The following LRP1B variants were observed in gnomAD, a reference collection of about 807,000 sequenced individuals.
The protein encoded by LRP1B is LDL receptor related protein 1B, also known as low-density lipoprotein receptor-related protein 1B.
In LRP1B, 217 loss-of-function variants were observed where a neutral mutation model predicts 556.6. That is an observed-to-expected ratio of 0.39 (90% CI 0.35 to 0.44). LRP1B has a LOEUF of 0.44. LRP1B is among the 20% of genes least tolerant of loss of function. The probability of loss-of-function intolerance (pLI) is 1.00; values close to 1 mark genes in which losing one functional copy is unlikely to be tolerated. For synonymous variants in LRP1B, 2,047 were observed against 1,865.8 expected, an observed-to-expected ratio of 1.10 and a Z score of -2.50; for missense variants, 5,053 against 5,620.8, an observed-to-expected ratio of 0.90 and a Z score of 3.23.
At chr2:141,689,786 T>C (rs1191423522) in intron 2 of LRP1B, among the ~76,000 whole-genome samples, 1 of 151,824 alleles carries the variant, frequency 6.6e-6, no homozygotes, top group East Asian at 1.9e-4. Flanking sequence ...GCCTCATAAA[T>C]ATCTATTTTA....
intron 66 of LRP1B, among the ~76,000 whole-genome samples, chr2:140,406,941 C>T (rs1050426575): frequency 3.9e-5 from 6 of 151,970 alleles, no homozygotes; most frequent in African/African-American, 1.4e-4. Flanking sequence ...GACTTCAAAT[C>T]ATATTGCAAG....
intron 32 of LRP1B, among the ~76,000 whole-genome samples, chr2:140,791,147 G>A (rs564070708): frequency 2.5e-4 from 38 of 151,980 alleles, no homozygotes; most frequent in African/African-American, 8.2e-4. Flanking sequence ...CCAGCTACTC[G>A]GGAGGCTGAG....
intron 32 of LRP1B, among the ~76,000 whole-genome samples, chr2:140,781,408 T>G (rs1252459185): frequency 1.3e-5 from 2 of 152,224 alleles, no homozygotes; most frequent in Non-Finnish European, 2.9e-5. Flanking sequence ...GTTAAAGCCC[T>G]ACAAATCAAA....
intron 71 of LRP1B, among the ~76,000 whole-genome samples, chr2:140,367,229 A>G (rs1230636197): frequency 1.3e-5 from 2 of 151,812 alleles, no homozygotes; most frequent in Non-Finnish European, 2.9e-5. Context: ...AAAACCTGGT[A>G]TGATTAATGG....
At chr2:141,139,831 C>T (rs1025850041) in intron 7 of LRP1B, among the ~76,000 whole-genome samples, 16 of 149,018 alleles carry the variant, frequency 1.1e-4, no homozygotes, top group South Asian at 4.2e-4. Context: ...ATCACATAAC[C>T]TATCCCTTCT....
In LRP1B at chr2:140,531,774, C is replaced by T. The variant is rs766013963; in HGVS notation, c.7762+2247G>A. 6.3e-4 allele frequency among the ~76,000 whole-genome samples: 96 copies of T among 152,102 alleles called. 1 individual carries two copies. The highest frequency in any genetic ancestry group is 5.4e-4 in the Non-Finnish European group (37 of 68,006). ...ACTGACACACATGAATGTCATCAAGCGAGTATCTACTATTGGCCAAATATG... is the reference window on the plus strand; with the variant it reads ...ACTGACACACATGAATGTCATCAAGTGAGTATCTACTATTGGCCAAATATG... On this transcript the variant is annotated intron_variant, in intron 47 of 90. Transcript: ENST00000389484.
chr2:141,382,011 G>T (rs1179665908), intron 3 of LRP1B, among the ~76,000 whole-genome samples: 1 of 151,726 alleles, frequency 6.6e-6, no homozygotes, highest in Non-Finnish European at 1.5e-5. Context: ...TAGTAAACAT[G>T]CTAATCACAC....
At chr2:140,274,145 C>T (rs560494317) in intron 85 of LRP1B, among the ~76,000 whole-genome samples, 2 of 152,064 alleles carry the variant, frequency 1.3e-5, no homozygotes, top group South Asian at 2.1e-4. Flanking sequence ...TGAATGCCAG[C>T]ATTTCTTGCT....
intron 8 of LRP1B, 107 bp from the exon 9 acceptor site, chr2:141,059,161 A>C: frequency 4.2e-6 from 3 of 714,570 alleles, no homozygotes; most frequent in Non-Finnish European, 4.3e-6. Context: ...CAGCAGAAGA[A>C]CCGCAAGGAT....
chr2:142,062,788 A>T (rs2104895427), intron 1 of LRP1B, among the ~76,000 whole-genome samples: 1 of 151,928 alleles, frequency 6.6e-6, no homozygotes, highest in East Asian at 1.9e-4. Flanking sequence ...GGTATCAAAA[A>T]CAAATATGGT....
In LRP1B at chr2:140,729,792, C is replaced by A. The variant is rs78861046; in HGVS notation, c.5759-12976G>T. Among the ~76,000 whole-genome samples, 899 of 152,274 alleles carry A rather than the reference C, an allele frequency of 5.9e-3. 11 individuals are homozygous for A. The highest frequency in any genetic ancestry group is 0.019 in the African/African-American group (810 of 41,572). On this transcript the variant is annotated intron_variant, in intron 35 of 90. Transcript: ENST00000389484. ...GTACATTGATAGAAAGCTTCATATT[C>A]TCTTCATAGTTAGCTACTTAGAAGA...
At chr2:141,000,210 C>T (rs2105367291) in intron 15 of LRP1B, among the ~76,000 whole-genome samples, 1 of 152,146 alleles carries the variant, frequency 6.6e-6, no homozygotes, top group South Asian at 2.1e-4. Context: ...TGAGCCACCA[C>T]ACTTGGCCAG....
chr2:141,933,298 A>T (rs1165585175), intron 1 of LRP1B, among the ~76,000 whole-genome samples: 3 of 152,120 alleles, frequency 2.0e-5, no homozygotes, highest in Non-Finnish European at 4.4e-5. Context: ...AAAATATGAA[A>T]AATAACAGCT....
rs569908382 is a variant in LRP1B at position 141,474,404 on chromosome 2, C to T, written c.343+5992G>A. Among the ~76,000 whole-genome samples the T allele has an allele frequency of 5.4e-3, 618 of 114,278 alleles. 6 individuals carry two copies. Among genetic ancestry groups the T allele is most frequent in the African/African-American group, 0.016 (588 of 36,312 alleles). The allele number at this position is 114,278 out of a possible 152,430, so 75.0% of individuals were successfully genotyped here. The stretch of plus-strand genomic sequence containing the variant: ...GAATGCCTCTAAGTTCTAAATCACC[C>T]CCAGGATTTTTTTTAGCACTTTTCA... On this transcript the variant is annotated intron_variant, in intron 3 of 90. Coordinates refer to ENST00000389484, the MANE Select transcript of LRP1B (RefSeq NM_018557.3).
At chr2:141,349,794 A>C (rs1688381341) in intron 3 of LRP1B, among the ~76,000 whole-genome samples, 1 of 152,076 alleles carries the variant, frequency 6.6e-6, no homozygotes, top group Non-Finnish European at 1.5e-5. Flanking sequence ...CGTCCTTAAA[A>C]CATGCTCTGA....
At chr2:141,427,673 T>A (rs914657847) in intron 3 of LRP1B, among the ~76,000 whole-genome samples, 5 of 152,172 alleles carry the variant, frequency 3.3e-5, no homozygotes, top group African/African-American at 1.2e-4. Context: ...ACTGGGTTTT[T>A]TGTTTTGTTT....
intron 2 of LRP1B, among the ~76,000 whole-genome samples, chr2:141,645,637 GT>G (rs201433095): frequency 2.0e-5 from 3 of 150,540 alleles, no homozygotes; most frequent in Middle Eastern, 3.4e-3. Flanking sequence ...GCATCAACAT[GT>G]TTTTTTTTCC....
At chr2:141,219,455 G>A (rs1171044886) in intron 6 of LRP1B, among the ~76,000 whole-genome samples, 1 of 152,182 alleles carries the variant, frequency 6.6e-6, no homozygotes, top group Non-Finnish European at 1.5e-5. Flanking sequence ...ATATTCCTGG[G>A]AAGGAGACCC....
chr2:141,766,383 C>G (rs1002790204), intron 2 of LRP1B, among the ~76,000 whole-genome samples: 9 of 152,142 alleles, frequency 5.9e-5, no homozygotes, highest in African/African-American at 2.2e-4. Flanking sequence ...GTAACAGACG[C>G]TACCTTTCAA....
Sources: allele counts gnomAD v4.1 joint callset (sites outside exome capture counted in the v4.1 genomes callset), GRCh38; gene constraint gnomAD v4.1.1; transcripts MANE v1.5; gene names NCBI Gene and HGNC (gene_info 2026-07-23, HGNC 2026-07-21).